The following CDH4 variants were observed in gnomAD, a reference collection of about 807,000 sequenced individuals.
CDH4 encodes the protein cadherin 4.
Under a neutral mutation model 86.0 loss-of-function variants are expected in CDH4, and 33 were observed. That is an observed-to-expected ratio of 0.38 (90% CI 0.29 to 0.51). The LOEUF is 0.51. Ranked by LOEUF, CDH4 falls within the 20% of genes least tolerant of loss-of-function variation. CDH4 has a pLI of 0.86. For synonymous variants in CDH4, 555 were observed against 549.4 expected (o/e 1.01, Z -0.14); for missense variants, 1,114 against 1,307.4 (o/e 0.85, Z 2.28).
intron 2 of CDH4, among the ~76,000 whole-genome samples, chr20:61,284,799 T>C (rs1230929154): frequency 3.3e-5 from 5 of 152,238 alleles, no homozygotes; most frequent in African/African-American, 9.6e-5. Flanking sequence ...ATAAAACTTT[T>C]TGTCAAAGGC....
At chr20:61,739,361 G>T (rs555972721) in intron 2 of CDH4, among the ~76,000 whole-genome samples, 1 of 152,210 alleles carries the variant, frequency 6.6e-6, no homozygotes, top group Non-Finnish European at 1.5e-5. Context: ...CCCTGACCAG[G>T]TGCCTGATGC....
chr20:61,642,972 C>T (rs184931154), intron 2 of CDH4, among the ~76,000 whole-genome samples: 10 of 152,344 alleles, frequency 6.6e-5, no homozygotes, highest in Non-Finnish European at 1.2e-4. Flanking sequence ...AGATGATCCC[C>T]TCATCTCAAG....
At chr20:61,918,616 C>T (rs1164741482) in intron 9 of CDH4, among the ~76,000 whole-genome samples, 5 of 152,136 alleles carry the variant, frequency 3.3e-5, no homozygotes, top group African/African-American at 1.2e-4. Flanking sequence ...CAGGGACCAC[C>T]CCTTCCTTCA....
At chr20:61,477,581 G>A (rs994455625) in intron 2 of CDH4, among the ~76,000 whole-genome samples, 5 of 152,212 alleles carry the variant, frequency 3.3e-5, no homozygotes, top group Non-Finnish European at 2.9e-5. Flanking sequence ...TCCACATCCC[G>A]CCTTCCTTGA....
chr20:61,527,407 G>A (rs1033765997), intron 2 of CDH4, among the ~76,000 whole-genome samples: 49 of 152,154 alleles, frequency 3.2e-4, no homozygotes, highest in African/African-American at 1.1e-3. Flanking sequence ...GCGCCACCAC[G>A]CCCAGCTGAT....
At chr20:61,341,524 CT>C (rs561277730) in intron 2 of CDH4, among the ~76,000 whole-genome samples, 389 of 133,098 alleles carry the variant, frequency 2.9e-3, no homozygotes, top group Admixed American at 3.0e-3. Flanking sequence ...ACTTTTTTTT[CT>C]TTTTTTTTTT....
intron 2 of CDH4, among the ~76,000 whole-genome samples, chr20:61,332,169 TG>T (rs2084585377): frequency 6.6e-6 from 1 of 152,174 alleles, no homozygotes; most frequent in African/African-American, 2.4e-5. Context: ...AGCCTGCCCG[TG>T]GCCCTCACTC....
At chr20:61,444,381 C>CTG (rs1555851142) in intron 2 of CDH4, among the ~76,000 whole-genome samples, 28 of 26,088 alleles carry the variant, frequency 1.1e-3, no homozygotes, top group African/African-American at 3.8e-3. Context: ...ATGTGTGTGT[C>CTG]TATGTGTGTC....
At chr20:61,718,473 T>C (rs1446382630) in intron 2 of CDH4, 6 of 264,042 alleles carry the variant, frequency 2.3e-5, no homozygotes, top group Non-Finnish European at 3.8e-5. Flanking sequence ...CTGCTAAGGC[T>C]GACGCTGGTT....
intron 2 of CDH4, among the ~76,000 whole-genome samples, chr20:61,607,690 G>C (rs896393272): frequency 5.9e-5 from 9 of 152,246 alleles, no homozygotes; most frequent in African/African-American, 2.2e-4. Flanking sequence ...CAACCTGCCA[G>C]GGCCAGTGTT....
rs571926050 is a variant in CDH4 at position 61,936,964 on chromosome 20, C to A, written c.*21C>A. 14 of 1,541,862 alleles carry A rather than the reference C, an allele frequency of 9.1e-6. No individual in the cohort carries two copies. In the East Asian group the frequency reaches 2.4e-4, roughly 26 times the overall value. Reference sequence around the variant, plus strand: ...ATTGACTGACCTCGCATCTTCGGACCGAAGTGAGAGCCGTGCTCGGACGCC... The same window carrying A: ...ATTGACTGACCTCGCATCTTCGGACAGAAGTGAGAGCCGTGCTCGGACGCC... On this transcript the variant is annotated 3_prime_UTR_variant, in exon 16 of 16. Transcript: ENST00000614565.
At chr20:61,504,563 G>A (rs368741044) in intron 2 of CDH4, among the ~76,000 whole-genome samples, 15 of 152,286 alleles carry the variant, frequency 9.8e-5, no homozygotes, top group South Asian at 4.1e-4. Flanking sequence ...CAATGGATCC[G>A]TTTCATCCTG....
intron 2 of CDH4, among the ~76,000 whole-genome samples, chr20:61,329,149 G>A (rs949078295): frequency 2.0e-5 from 3 of 152,218 alleles, no homozygotes; most frequent in Non-Finnish European, 2.9e-5. Context: ...TGTACTGAAC[G>A]TGTATCATTT....
At chr20:61,450,452 T>C (rs1441145407) in intron 2 of CDH4, among the ~76,000 whole-genome samples, 1 of 152,152 alleles carries the variant, frequency 6.6e-6, no homozygotes, top group East Asian at 1.9e-4. Flanking sequence ...TGCTGTGTGA[T>C]TTGCACCAAG....
Position 61,570,459 on chromosome 20 carries a change from T to C in CDH4, c.170-173104T>C, listed in dbSNP as rs74967573. 2.2e-5 allele frequency: 12 copies of C among 557,164 alleles called. No individual in the cohort carries two copies. In the East Asian group the frequency reaches 3.6e-4, roughly 17 times the overall value. 34.5% of individuals were successfully genotyped at this position (557,164 alleles called of 1,614,324 possible). A position where few individuals can be genotyped will look rare whatever the true frequency, so the allele number is the denominator to read the frequency against. On this transcript the variant is annotated intron_variant, in intron 2 of 15. Coordinates refer to ENST00000614565, the MANE Select transcript of CDH4 (RefSeq NM_001794.5). Reference sequence around the variant, plus strand: ...GGTGCTGCCTTGAGCTTGACCCGAATTGCTTCTTCCCAGAGGCTGGGTCTC... The same window carrying C: ...GGTGCTGCCTTGAGCTTGACCCGAACTGCTTCTTCCCAGAGGCTGGGTCTC...
chr20:61,503,044 T>TA lies in CDH4; in HGVS notation c.170-240511dup, dbSNP rs78148314. On this transcript the variant is annotated intron_variant, in intron 2 of 15. Transcript: ENST00000614565. ...AATCCCAGGGAGAACCTAGAATACC[T>TA]AAAAAAAATAGACGCGTTGTAAATA... Among the ~76,000 whole-genome samples, 85 of 151,972 alleles carry TA rather than the reference T, an allele frequency of 5.6e-4. No homozygotes were observed. The East Asian group carries it at 0.011, about 20-fold the overall frequency.
At chr20:61,669,324 G>A (rs2087361423) in intron 2 of CDH4, among the ~76,000 whole-genome samples, 1 of 152,216 alleles carries the variant, frequency 6.6e-6, no homozygotes, top group Admixed American at 6.5e-5. Context: ...CCTGGGCCAG[G>A]GCAAAGCCTA....
At chr20:61,434,395 C>T (rs901661219) in intron 2 of CDH4, among the ~76,000 whole-genome samples, 1 of 152,200 alleles carries the variant, frequency 6.6e-6, no homozygotes, top group Non-Finnish European at 1.5e-5. Flanking sequence ...TTAAAGACGT[C>T]TCAAGGGATG....
chr20:61,644,172 G>A (rs1313412314), intron 2 of CDH4, among the ~76,000 whole-genome samples: 6 of 152,232 alleles, frequency 3.9e-5, no homozygotes, highest in African/African-American at 1.4e-4. Context: ...GAGTTTCAGT[G>A]AATGAGCTGA....
Sources: gnomAD v4.1 joint callset for allele counts (sites outside exome capture counted in the v4.1 genomes callset) on GRCh38, gnomAD v4.1.1 for gene constraint, MANE v1.5 for transcripts, NCBI Gene and HGNC (gene_info 2026-07-23, HGNC 2026-07-21) for gene names.